Variants in EIF2AK1 observed in about 807,000 individuals in gnomAD.
The protein encoded by EIF2AK1 is eukaryotic translation initiation factor 2 alpha kinase 1, also known as eukaryotic translation initiation factor 2-alpha kinase 1.
A neutral mutation model predicts 77.9 loss-of-function variants in EIF2AK1; 54 were observed. The observed-to-expected ratio is 0.69, with a 90% CI of 0.56 to 0.87. The LOEUF is 0.87. EIF2AK1 is among the 40% of genes least tolerant of loss of function. The pLI is 0.00. For synonymous variants in EIF2AK1, 314 were observed against 290.5 expected (o/e 1.08, Z -0.82); for missense variants, 810 against 768.6 (o/e 1.05, Z -0.64).
intron 6 of EIF2AK1, among the ~76,000 whole-genome samples, chr7:6,045,061 T>C (rs1375107548): frequency 7.2e-5 from 11 of 152,146 alleles, no homozygotes; most frequent in African/African-American, 2.7e-4. Context: ...CCATCTGTAA[T>C]GAAAACTCCT....
chr7:6,047,793 C>G (rs990917087), intron 4 of EIF2AK1: 1 of 153,574 alleles, frequency 6.5e-6, no homozygotes, highest in Non-Finnish European at 1.4e-5. Context: ...TGCTACTGAG[C>G]AGCACCAGAG....
chr7:6,050,665 C>T (rs1250569833), intron 2 of EIF2AK1, among the ~76,000 whole-genome samples: 1 of 148,804 alleles, frequency 6.7e-6, no homozygotes. Flanking sequence ...TGCACTGGCG[C>T]GATCTCGGCT....
At chr7:6,037,301 A>C in intron 11 of EIF2AK1, 123 bp downstream of exon 11, 1 of 667,728 alleles carries the variant, frequency 1.5e-6, no homozygotes, top group Non-Finnish European at 2.6e-6. Flanking sequence ...ATCTGACAGT[A>C]ATTATAACCT....
At chr7:6,039,863 G>A (rs1040912133) in intron 9 of EIF2AK1, among the ~76,000 whole-genome samples, 1 of 151,818 alleles carries the variant, frequency 6.6e-6, no homozygotes, top group African/African-American at 2.4e-5. Context: ...CTTGAATCCA[G>A]GAGGCAGAGG....
At chr7:6,039,567 G>C (rs1161587622) in intron 9 of EIF2AK1, among the ~76,000 whole-genome samples, 1 of 145,222 alleles carries the variant, frequency 6.9e-6, no homozygotes, top group Admixed American at 7.1e-5. Flanking sequence ...GTTGCAGTGA[G>C]CTGAGATGGC....
Position 6,024,645 on chromosome 7 carries a change from T to C in EIF2AK1, c.*28A>G, listed in dbSNP as rs749374545. 1 of 1,613,606 alleles carries C rather than the reference T, an allele frequency of 6.2e-7. No individual in the cohort carries two copies. Among genetic ancestry groups the C allele is most frequent in the Non-Finnish European group, 8.5e-7 (1 of 1,179,852 alleles). On this transcript the variant is annotated 3_prime_UTR_variant, in exon 15 of 15. Coordinates refer to ENST00000199389, the MANE Select transcript of EIF2AK1 (RefSeq NM_014413.4). ...TAAAGATTAAAAATTTACATTCCAG[T>C]TAACTACCTTAAAAGTTAAGTCCAC...
In EIF2AK1 at chr7:6,049,894, A is replaced by G; in HGVS notation, c.411+18T>C. The G allele has an allele frequency of 6.3e-7, 1 of 1,597,694 alleles. No homozygotes were observed. Among genetic ancestry groups the G allele is most frequent in the East Asian group, 2.2e-5 (1 of 44,608 alleles). On this transcript the variant is annotated intron_variant, in intron 3 of 14. Transcript: ENST00000199389. Reference sequence around the variant, plus strand: ...AGTATATTTTTGTCATACCCAAAGTATATTTTTTAGGGCTTACCTGACGAA... The same window carrying G: ...AGTATATTTTTGTCATACCCAAAGTGTATTTTTTAGGGCTTACCTGACGAA...
rs1192268210 is a variant in EIF2AK1 at position 6,024,695 on chromosome 7, C to A, written c.1871G>T (p.Gly624Val). ...CTTTCATCCCACGCCCCCATCCTTTCCGTCATCCCTCACCCCTTTGTCTTG... is the reference window on the plus strand; with the variant it reads ...CTTTCATCCCACGCCCCCATCCTTTACGTCATCCCTCACCCCTTTGTCTTG... ...LSQDKGVRDD[G>V]KDGGVG Residue 624 changes from glycine (G) to valine (V), a missense_variant, in exon 15 of 15, where the codon GGA becomes GTA. Physicochemically the swap from Gly to Val is moderately radical, Grantham distance 109. Transcript: ENST00000199389. 1 of 1,613,200 alleles carries A rather than the reference C, an allele frequency of 6.2e-7. No homozygotes were observed. Among genetic ancestry groups the A allele is most frequent in the Non-Finnish European group, 8.5e-7 (1 of 1,179,798 alleles).
chr7:6,056,459 T>C (rs1035516593), intron 1 of EIF2AK1, among the ~76,000 whole-genome samples: 3 of 149,856 alleles, frequency 2.0e-5, no homozygotes, highest in Non-Finnish European at 3.0e-5. Context: ...CTGGGTGTGG[T>C]GGCAGACGCC....
At position 6,036,331 on chromosome 7, in the gene EIF2AK1, C is replaced by T. The variant is rs1483817216; in HGVS notation, c.1332+1093G>A. 6.5e-7 allele frequency: 1 copy of T among 1,538,922 alleles called. No individual in the cohort carries two copies. The highest frequency in any genetic ancestry group is 8.7e-7 in the Non-Finnish European group (1 of 1,142,998). ...AAACAGCACTTGAAGCAATTCCTCCCAGTGACAATATGGAATTCTGTCTAC... is the reference window on the plus strand; with the variant it reads ...AAACAGCACTTGAAGCAATTCCTCCTAGTGACAATATGGAATTCTGTCTAC... On this transcript the variant is annotated intron_variant, in intron 11 of 14. Transcript: ENST00000199389. The surrounding 1 kb of genome is among the most constrained non-coding windows in gnomAD (Gnocchi z 4.6).
At chr7:6,040,869 G>T (rs769225463) in intron 9 of EIF2AK1, 23 bp downstream of exon 9, 1 of 1,599,238 alleles carries the variant, frequency 6.3e-7, no homozygotes, top group South Asian at 1.1e-5. Flanking sequence ...GCCAAATTAG[G>T]AGGGTCTGGG....
intron 4 of EIF2AK1, 26 bp downstream of exon 4, chr7:6,048,781 T>A (rs1788515399): frequency 6.5e-6 from 10 of 1,546,410 alleles, no homozygotes; most frequent in Non-Finnish European, 8.8e-6. Context: ...ATAGTCTGCA[T>A]AATCAAGAAA....
At chr7:6,058,386 C>T in intron 1 of EIF2AK1, 3 of 275,636 alleles carry the variant, frequency 1.1e-5, no homozygotes, top group South Asian at 9.2e-5. Flanking sequence ...CACTGCACTC[C>T]AGCCTGGGTG....
rs759663168 is a variant in EIF2AK1, at chr7:6,035,931, G to A, written c.1332+1493C>T. The A allele has an allele frequency of 7.8e-6, 12 of 1,547,124 alleles. No homozygotes were observed. Among genetic ancestry groups the A allele is most frequent in the South Asian group, 4.8e-5 (4 of 83,612 alleles). ...CTGCATCCGTCTGCTACTCACTCAC[G>A]GAGCCAAAGTCAACGCCCAGGACTA... On this transcript the variant is annotated intron_variant, in intron 11 of 14. Coordinates refer to ENST00000199389, the MANE Select transcript of EIF2AK1 (RefSeq NM_014413.4). The surrounding 1 kb of genome is among the most constrained non-coding windows in gnomAD (Gnocchi z 5.5).
rs1433215510 is a variant in EIF2AK1, at chr7:6,048,403, C to A, written c.449+404G>T. 2.6e-5 allele frequency among the ~76,000 whole-genome samples: 4 copies of A among 152,162 alleles called. No individual in the cohort carries two copies. In the South Asian group the frequency reaches 8.3e-4, roughly 32 times the overall value. Reference sequence around the variant, plus strand: ...GATTCATCCATATTGTAGCATGAATCCGTACTTCATTCCTTTTAATAGCTG... The same window carrying A: ...GATTCATCCATATTGTAGCATGAATACGTACTTCATTCCTTTTAATAGCTG... On this transcript the variant is annotated intron_variant, in intron 4 of 14. Transcript: ENST00000199389.
chr7:6,046,877 G>A (rs1788458876), intron 5 of EIF2AK1, 115 bp downstream of exon 5: 1 of 982,762 alleles, frequency 1.0e-6, no homozygotes, highest in Non-Finnish European at 1.5e-6. Flanking sequence ...CTCCAGCCTG[G>A]CGACAGAGCG....
chr7:6,041,560 G>A (rs1245732546), intron 8 of EIF2AK1, among the ~76,000 whole-genome samples: 2 of 151,580 alleles, frequency 1.3e-5, no homozygotes, highest in African/African-American at 2.4e-5. Flanking sequence ...AAAAAAAGTC[G>A]GCCGGGTGCA....
At chr7:6,058,101 T>G (rs1364812138) in intron 1 of EIF2AK1, 1 of 455,458 alleles carries the variant, frequency 2.2e-6, no homozygotes, top group Non-Finnish European at 4.4e-6. Context: ...TATCTCCTAG[T>G]AAACAAAAGC....
Position 6,026,965 on chromosome 7 carries a change from G to C in EIF2AK1, c.1531-4C>G. 1 of 1,592,978 alleles carries C rather than the reference G, an allele frequency of 6.3e-7. No individual in the cohort carries two copies. Among genetic ancestry groups the C allele is most frequent in the Non-Finnish European group, 8.5e-7 (1 of 1,172,742 alleles). On this transcript the variant is annotated splice_polypyrimidine_tract_variant and splice_region_variant and intron_variant, in intron 13 of 14. Transcript: ENST00000199389. ...CACCCAAGCTGTACATATCTGACTGGAAAAAGAAAAAAAGGGGAACTCAGT... is the reference window on the plus strand; with the variant it reads ...CACCCAAGCTGTACATATCTGACTGCAAAAAGAAAAAAAGGGGAACTCAGT...
Sources: allele counts gnomAD v4.1 joint callset (sites outside exome capture counted in the v4.1 genomes callset), GRCh38; gene constraint gnomAD v4.1.1; non-coding constraint Gnocchi (gnomAD v3.1); transcripts MANE v1.5; gene names NCBI Gene and HGNC (gene_info 2026-07-23, HGNC 2026-07-21).